UBE2D3: variants seen among roughly 807,000 people sequenced by gnomAD.
The protein encoded by UBE2D3 is ubiquitin conjugating enzyme E2 D3.
UBE2D3 carries 2 observed loss-of-function variants against 22.8 expected under a neutral mutation model. The observed-to-expected ratio is 0.09, with a 90% CI of 0.04 to 0.28. UBE2D3 has a LOEUF of 0.28. UBE2D3 is among the 10% of genes least tolerant of loss of function. UBE2D3 has a pLI of 1.00. For synonymous variants in UBE2D3, 56 were observed against 60.4 expected, an observed-to-expected ratio of 0.93 and a Z score of 0.34; for missense variants, 27 against 182.5, an observed-to-expected ratio of 0.15 and a Z score of 4.91.
intron 1 of UBE2D3, among the ~76,000 whole-genome samples, chr4:102,863,572 C>G (rs1451838499): frequency 6.6e-6 from 1 of 152,214 alleles, no homozygotes; most frequent in Non-Finnish European, 1.5e-5. Flanking sequence ...CAGCTCACTG[C>G]AACCTCCATC....
intron 2 of UBE2D3, chr4:102,810,640 C>T (rs1258800016): frequency 6.6e-6 from 1 of 151,992 alleles, no homozygotes; most frequent in Non-Finnish European, 1.5e-5. Flanking sequence ...CCCTGAAGAG[C>T]GTACTTCTGT....
chr4:102,819,525 A>G, intron 2 of UBE2D3: 1 of 982,428 alleles, frequency 1.0e-6, no homozygotes, highest in Non-Finnish European at 1.2e-6. Flanking sequence ...CATCAGATCA[A>G]CATAACCAAA....
At position 102,796,271 on chromosome 4, in the gene UBE2D3, A is replaced by C. The variant is rs763886649; in HGVS notation, c.*1144T>G. On this transcript the variant is annotated 3_prime_UTR_variant, in exon 8 of 8. Coordinates refer to ENST00000453744, the MANE Select transcript of UBE2D3 (RefSeq NM_181891.3). ...GCTGCACCTGGAAAATAAATTTCTT[A>C]AACTCCATAAACACATTTCAAAACT... 6.6e-6 allele frequency: 1 copy of C among 152,384 alleles called. No homozygotes were observed. The highest frequency in any genetic ancestry group is 1.9e-4 in the East Asian group (1 of 5,184). The allele number at this position is 152,384 out of a possible 1,614,324, so 9.4% of individuals were successfully genotyped here.
upstream of UBE2D3, chr4:102,828,016 A>G: frequency 2.0e-6 from 2 of 985,400 alleles, no homozygotes; most frequent in Non-Finnish European, 2.4e-6. Context: ...GCAATGACTT[A>G]AGAGCAGTTT....
intron 1 of UBE2D3, among the ~76,000 whole-genome samples, chr4:102,850,003 A>G (rs999162758): frequency 2.6e-5 from 4 of 152,236 alleles, no homozygotes; most frequent in Non-Finnish European, 5.9e-5. Context: ...AATGCACCAT[A>G]ATTGGTTAAT....
At chr4:102,798,988 A>G (rs766536388) in intron 7 of UBE2D3, 1 of 1,606,562 alleles carries the variant, frequency 6.2e-7, no homozygotes, top group East Asian at 2.2e-5. Flanking sequence ...CTAATTGAAC[A>G]AGTACACTTA....
In UBE2D3 at chr4:102,799,420, T is replaced by C. The variant is rs1356167446; in HGVS notation, c.385A>G (p.Thr129Ala). The C allele has an allele frequency of 6.2e-7, 1 of 1,611,916 alleles. No homozygotes were observed. Among genetic ancestry groups the C allele is most frequent in the African/African-American group, 1.3e-5 (1 of 74,952 alleles). The change falls in exon 7 of 8, where the codon ACA becomes GCA. Residue 129 changes from threonine to alanine, a missense_variant. Coordinates refer to ENST00000453744, the MANE Select transcript of UBE2D3 (RefSeq NM_181891.3). ...LVPEIARIYK[T>A]DRDKYNRISR... is the part of the protein sequence containing the mutation. ...TAACATACTTACTTATCTCTGTCTG[T>C]TTTATAGATCCGTGCAATCTCTGGC...
At chr4:102,837,922 C>G (rs894191576) in intron 1 of UBE2D3, among the ~76,000 whole-genome samples, 1 of 152,060 alleles carries the variant, frequency 6.6e-6, no homozygotes, top group African/African-American at 2.4e-5. Flanking sequence ...CCACTGCACT[C>G]AAGCCTGGGT....
At chr4:102,807,063 T>C (rs1312593872) in intron 4 of UBE2D3, among the ~76,000 whole-genome samples, 5 of 152,100 alleles carry the variant, frequency 3.3e-5, no homozygotes, top group Non-Finnish European at 5.9e-5. Flanking sequence ...AACTCAAAAT[T>C]AGATGGTATA....
chr4:102,797,667 A>AT (rs1227772465), intron 7 of UBE2D3, among the ~76,000 whole-genome samples: 1 of 152,006 alleles, frequency 6.6e-6, no homozygotes, highest in Non-Finnish European at 1.5e-5. Flanking sequence ...TGAAAGTAGT[A>AT]TTTTAAAAAC....
chr4:102,814,905 T>A (rs552590579), intron 2 of UBE2D3, among the ~76,000 whole-genome samples: 1 of 152,278 alleles, frequency 6.6e-6, no homozygotes, highest in South Asian at 2.1e-4. Flanking sequence ...CATCTGAATA[T>A]ACCTAATACT....
In UBE2D3 at chr4:102,797,329, G is replaced by A. The variant is rs1045051603; in HGVS notation, c.*86C>T. On this transcript the variant is annotated 3_prime_UTR_variant, in exon 8 of 8. Transcript: ENST00000453744. ...AAAAAAGATGAGGTCTGATAGGGGAGCAGCCGGATAAGAAAATCAAAAAAG... is the reference window on the plus strand; with the variant it reads ...AAAAAAGATGAGGTCTGATAGGGGAACAGCCGGATAAGAAAATCAAAAAAG... The A allele has an allele frequency of 1.8e-5, 22 of 1,197,700 alleles. No individual in the cohort carries two copies. The African/African-American group carries it at 3.1e-4, about 17-fold the overall frequency. 74.2% of individuals were successfully genotyped at this position (1,197,700 alleles called of 1,614,324 possible). A position where few individuals can be genotyped will look rare whatever the true frequency, so the allele number is the denominator to read the frequency against.
chr4:102,828,730 C>T (rs1490888395), upstream of UBE2D3, among the ~76,000 whole-genome samples: 1 of 152,176 alleles, frequency 6.6e-6, no homozygotes, highest in Non-Finnish European at 1.5e-5. Flanking sequence ...TACAATACTT[C>T]CTGAAATATC....
At chr4:102,817,394 T>C (rs899025890) in intron 2 of UBE2D3, among the ~76,000 whole-genome samples, 3 of 152,200 alleles carry the variant, frequency 2.0e-5, no homozygotes, top group African/African-American at 7.2e-5. Flanking sequence ...ATAACCACTT[T>C]ACGGAAATAG....
intron 1 of UBE2D3, among the ~76,000 whole-genome samples, chr4:102,867,685 G>C (rs979701731): frequency 6.6e-6 from 1 of 152,098 alleles, no homozygotes; most frequent in African/African-American, 2.4e-5. Flanking sequence ...TGTAAACCCA[G>C]CTACTTGGAA....
intron 1 of UBE2D3, among the ~76,000 whole-genome samples, chr4:102,853,150 T>TTTTTTTTTTC: frequency 8.2e-6 from 1 of 121,864 alleles, no homozygotes; most frequent in African/African-American, 3.5e-5. Context: ...TTTTTTTTTT[T>TTTTTTTTTTC]TTTTTTTTTT....
In UBE2D3 at chr4:102,802,656, T is replaced by A. The variant is rs1726355100; in HGVS notation, c.121-18A>T. On this transcript the variant is annotated intron_variant, in intron 4 of 7. Transcript: ENST00000453744. ...CTGTCATTCTGTAAAAAGAAAAGTA[T>A]GCTTAACTCAAATTTAAAATATTAT... The A allele has an allele frequency of 6.4e-7, 1 of 1,562,848 alleles. No individual in the cohort carries two copies. The highest frequency in any genetic ancestry group is 8.7e-7 in the Non-Finnish European group (1 of 1,151,240).
At chr4:102,825,403 G>A (rs1023725127) in intron 2 of UBE2D3, 1 of 1,042,150 alleles carries the variant, frequency 9.6e-7, no homozygotes. Context: ...ATTTAGGTAA[G>A]TTTTGAGCAG....
At chr4:102,801,198 A>T (rs755953674) in intron 6 of UBE2D3, among the ~76,000 whole-genome samples, 27 of 152,036 alleles carry the variant, frequency 1.8e-4, no homozygotes, top group African/African-American at 6.5e-4. Flanking sequence ...TATTAAAATA[A>T]ATTTTGCTAT....
Sources: gnomAD v4.1 joint callset for allele counts (sites outside exome capture counted in the v4.1 genomes callset) on GRCh38, gnomAD v4.1.1 for gene constraint, MANE v1.5 for transcripts, NCBI Gene and HGNC (gene_info 2026-07-23, HGNC 2026-07-21) for gene names.